Variants in SLC38A6 observed in about 807,000 individuals in gnomAD.
The protein encoded by SLC38A6 is N system amino acid transporter NAT-1.
A neutral mutation model predicts 65.0 loss-of-function variants in SLC38A6; 73 were observed. That is an observed-to-expected ratio of 1.12 (90% CI 0.93 to 1.37). The LOEUF (loss-of-function observed/expected upper bound fraction) is 1.37. Ranked by LOEUF, SLC38A6 falls within the 40% of genes most tolerant of loss-of-function variation. The pLI, the probability that SLC38A6 is intolerant of heterozygous loss-of-function variation, is 0.00. For synonymous variants in SLC38A6, 183 were observed against 178.8 expected (o/e 1.02, Z -0.19); for missense variants, 561 against 531.1 (o/e 1.06, Z -0.55).
chr14:61,015,709 A>G (rs6573352), intron 3 of SLC38A6, among the ~76,000 whole-genome samples, 195 bp from the exon 4 acceptor site: 141,618 of 152,004 alleles, frequency 0.93, 66,356 homozygotes, highest in Non-Finnish European at 0.99. Context: ...AGCTGATTAA[A>G]GCCAACCATC....
intron 6 of SLC38A6, among the ~76,000 whole-genome samples, chr14:61,032,769 C>T (rs748402912): frequency 1.6e-4 from 25 of 151,622 alleles, no homozygotes; most frequent in Non-Finnish European, 3.2e-4. Flanking sequence ...CTTTACTATC[C>T]ATAAAGGACA....
chr14:61,020,430 A>G (rs951959346), intron 5 of SLC38A6, among the ~76,000 whole-genome samples: 2 of 152,154 alleles, frequency 1.3e-5, no homozygotes, highest in African/African-American at 4.8e-5. Context: ...GACAGTTTTA[A>G]TAAACTTCAG....
intron 13 of SLC38A6, 150 bp downstream of exon 13, chr14:61,050,786 A>G (rs1594753129): frequency 4.5e-6 from 3 of 661,900 alleles, no homozygotes; most frequent in Non-Finnish European, 6.6e-6. Context: ...TCATACTTGC[A>G]TATGGCCCCG....
At chr14:61,083,634 G>A (rs2043743042) in exon 17 of SLC38A6, 1 of 1,550,384 alleles carries the variant, frequency 6.5e-7, no homozygotes, top group Non-Finnish European at 8.7e-7. Flanking sequence ...TACAAGCCAA[G>A]GGAAGAGGCC....
In SLC38A6 at chr14:60,982,650, T is replaced by TA; in HGVS notation, c.236+13dup. Reference sequence around the variant, plus strand: ...GTCTTTGGATTTAGGTGAGTCTTCATATTTTAGCATCAAATTTTTTTTTCC... The same window carrying TA: ...GTCTTTGGATTTAGGTGAGTCTTCATAATTTTAGCATCAAATTTTTTTTTCC... On this transcript the variant is annotated intron_variant, in intron 2 of 15. Coordinates refer to ENST00000267488, the MANE Select transcript of SLC38A6 (RefSeq NM_153811.3). 1 of 1,591,444 alleles carries TA rather than the reference T, an allele frequency of 6.3e-7. No homozygotes were observed. The highest frequency in any genetic ancestry group is 8.5e-7 in the Non-Finnish European group (1 of 1,173,574).
At chr14:61,061,090 C>T (rs2042821592) in intron 15 of SLC38A6, among the ~76,000 whole-genome samples, 2 of 152,132 alleles carry the variant, frequency 1.3e-5, no homozygotes, top group African/African-American at 4.8e-5. Context: ...TTCTGCGTCG[C>T]TCACGCTGGG....
chr14:61,077,426 A>G (rs1383744566), intron 15 of SLC38A6, among the ~76,000 whole-genome samples: 1 of 152,232 alleles, frequency 6.6e-6, no homozygotes, highest in Non-Finnish European at 1.5e-5. Context: ...TTGGGAGCGA[A>G]AAATATCTAA....
chr14:61,030,338 CAT>C, intron 5 of SLC38A6, 105 bp from the exon 6 acceptor site: 5 of 646,320 alleles, frequency 7.7e-6, no homozygotes. Flanking sequence ...GTTAATCTTC[CAT>C]ATGTTGTCAT....
intron 15 of SLC38A6, among the ~76,000 whole-genome samples, chr14:61,072,435 T>C (rs1210111873): frequency 6.6e-6 from 1 of 152,202 alleles, no homozygotes; most frequent in African/African-American, 2.4e-5. Flanking sequence ...TTATTGACTA[T>C]AGTCATCCTG....
At chr14:61,015,393 A>C (rs964507699) in intron 3 of SLC38A6, among the ~76,000 whole-genome samples, 3 of 152,034 alleles carry the variant, frequency 2.0e-5, no homozygotes, top group Non-Finnish European at 4.4e-5. Context: ...ACTGTCCTGC[A>C]CCCACTGTCC....
At chr14:61,002,874 T>A (rs2038807122) in intron 3 of SLC38A6, among the ~76,000 whole-genome samples, 1 of 152,194 alleles carries the variant, frequency 6.6e-6, no homozygotes, top group Admixed American at 6.5e-5. Context: ...TATCAATTCT[T>A]GTAAAAGACT....
chr14:61,082,605 C>G (rs2043700490), intron 16 of SLC38A6, among the ~76,000 whole-genome samples: 1 of 152,320 alleles, frequency 6.6e-6, no homozygotes, highest in East Asian at 1.9e-4. Context: ...GTTTGCTTGA[C>G]TGAAGCAGAG....
chr14:60,994,513 C>G, intron 3 of SLC38A6, among the ~76,000 whole-genome samples: 1 of 152,040 alleles, frequency 6.6e-6, no homozygotes, highest in East Asian at 1.9e-4. Flanking sequence ...CCATTGCACT[C>G]CAGCCTGAGC....
chr14:61,075,149 G>A (rs972221829), intron 15 of SLC38A6, among the ~76,000 whole-genome samples: 6 of 152,298 alleles, frequency 3.9e-5, no homozygotes, highest in South Asian at 4.1e-4. Flanking sequence ...ACCCAGTGGT[G>A]GGAGTCTAGA....
intron 3 of SLC38A6, among the ~76,000 whole-genome samples, chr14:61,015,380 C>T (rs981217567): frequency 2.6e-5 from 4 of 152,070 alleles, no homozygotes; most frequent in Non-Finnish European, 5.9e-5. Context: ...GTTCACTGCA[C>T]CCACTGTCCT....
Position 61,052,037 on chromosome 14 carries a change from A to G in SLC38A6, c.1196-4A>G. 6.2e-7 allele frequency: 1 copy of G among 1,601,372 alleles called. No homozygotes were observed. Among genetic ancestry groups the G allele is most frequent in the Non-Finnish European group, 8.5e-7 (1 of 1,175,550 alleles). On this transcript the variant is annotated splice_region_variant and splice_polypyrimidine_tract_variant and intron_variant, in intron 14 of 15. Coordinates refer to ENST00000267488, the MANE Select transcript of SLC38A6 (RefSeq NM_153811.3). ...CCTCTCTTTTTTTTCCCTCCACTTT[A>G]AAGGTGCCAGTACATCAACATGTTT...
At chr14:61,021,247 G>A (rs1001700960) in intron 5 of SLC38A6, among the ~76,000 whole-genome samples, 5 of 152,116 alleles carry the variant, frequency 3.3e-5, no homozygotes, top group African/African-American at 1.2e-4. Flanking sequence ...CTCTTTCTAA[G>A]TACCTTAAAT....
chr14:61,062,977 C>T (rs145635001), intron 15 of SLC38A6, among the ~76,000 whole-genome samples: 17 of 152,276 alleles, frequency 1.1e-4, no homozygotes, highest in Non-Finnish European at 2.2e-4. Context: ...CCATGCCCAG[C>T]CAATTTCTGT....
intron 15 of SLC38A6, among the ~76,000 whole-genome samples, chr14:61,075,286 G>C (rs1428490900): frequency 6.6e-6 from 1 of 152,290 alleles, no homozygotes; most frequent in East Asian, 1.9e-4. Context: ...ACAGAATTGT[G>C]CATGTAAACC....
Sources: gnomAD v4.1 joint callset for allele counts (sites outside exome capture counted in the v4.1 genomes callset) on GRCh38, gnomAD v4.1.1 for gene constraint, MANE v1.5 for transcripts, NCBI Gene and HGNC (gene_info 2026-07-23, HGNC 2026-07-21) for gene names.